NRXN3: variants seen among roughly 807,000 people sequenced by gnomAD.
NRXN3 encodes the protein neurexin 3.
NRXN3 carries 32 observed loss-of-function variants against 137.6 expected under a neutral mutation model. The ratio of observed to expected loss-of-function variants is 0.23; its 90% CI spans 0.18 to 0.31. The LOEUF (loss-of-function observed/expected upper bound fraction) is 0.31, where lower values mean the gene tolerates loss of function less well. Among genes scored for constraint, NRXN3 ranks in the 10% least tolerant of loss-of-function variants. The pLI is 1.00. For missense variants in NRXN3, 1,574 were observed against 2,062.5 expected, an observed-to-expected ratio of 0.76 and a Z score of 4.59; for synonymous variants, 798 against 784.5, an observed-to-expected ratio of 1.02 and a Z score of -0.29.
At chr14:78,948,628 C>CTTTTTTTTTTTTTTTTT (rs201010514) in intron 10 of NRXN3, among the ~76,000 whole-genome samples, 10 of 108,604 alleles carry the variant, frequency 9.2e-5, no homozygotes, top group Non-Finnish European at 1.1e-4. Flanking sequence ...ACACATTTAA[C>CTTTTTTTTTTTTTTTTT]TTTTTTTTTT....
rs994625386 is a variant in NRXN3, at chr14:79,259,518, T to TA, written c.3263-207702dup. Among the ~76,000 whole-genome samples, 6 of 149,518 alleles carry TA rather than the reference T, an allele frequency of 4.0e-5. No homozygotes were observed. In the Admixed American group the frequency reaches 4.0e-4, roughly 10 times the overall value. On this transcript the variant is annotated intron_variant, in intron 15 of 20. Coordinates refer to ENST00000335750, the MANE Select transcript of NRXN3 (RefSeq NM_001330195.2). ...TAGAATAAGGTTTTAGTTATATATA[T>TA]ATGTATCTACATATATATAGTTATC... is the stretch of plus-strand genomic sequence containing the variant.
chr14:79,773,828 T>TAAAAAA (rs2099087902), intron 19 of NRXN3, among the ~76,000 whole-genome samples: 1 of 136,008 alleles, frequency 7.4e-6, no homozygotes, highest in Admixed American at 7.3e-5. Flanking sequence ...AAAATAAAAA[T>TAAAAAA]ACAAAAAAAA....
intron 8 of NRXN3, among the ~76,000 whole-genome samples, chr14:78,738,153 AC>A (rs1259524619): frequency 1.3e-5 from 2 of 152,210 alleles, no homozygotes; most frequent in Non-Finnish European, 2.9e-5. Flanking sequence ...CTTATGGAGC[AC>A]TTCCTAACTC....
Position 79,648,197 on chromosome 14 carries a change from C to A in NRXN3, c.3445-15581C>A, listed in dbSNP as rs572477479. Among the ~76,000 whole-genome samples the A allele has an allele frequency of 6.8e-4, 91 of 133,744 alleles. 15 individuals carry two copies. In the South Asian group the frequency reaches 0.021, roughly 31 times the overall value. 87.7% of individuals were successfully genotyped at this position (133,744 alleles called of 152,430 possible). ...TACCCTACTATACAAAACAAACAAA[C>A]AAACAAACAAACAAAAAACAGAAAA... On this transcript the variant is annotated intron_variant, in intron 16 of 20. Transcript: ENST00000335750.
intron 19 of NRXN3, among the ~76,000 whole-genome samples, chr14:79,707,491 A>T (rs543141368): frequency 7.2e-6 from 1 of 137,992 alleles, no homozygotes; most frequent in African/African-American, 2.6e-5. Context: ...TCCTTTGTGG[A>T]GCTATGTTTT....
intron 16 of NRXN3, among the ~76,000 whole-genome samples, chr14:79,530,307 A>G (rs979098707): frequency 1.3e-5 from 2 of 152,150 alleles, no homozygotes; most frequent in Non-Finnish European, 2.9e-5. Flanking sequence ...CAAAAAGCAA[A>G]GCAAAATGAC....
At chr14:79,723,723 TTG>T (rs1347651797) in intron 19 of NRXN3, among the ~76,000 whole-genome samples, 1 of 152,168 alleles carries the variant, frequency 6.6e-6, no homozygotes, top group Non-Finnish European at 1.5e-5. Flanking sequence ...CCAAAATTAA[TTG>T]TTACCTTTTC....
At chr14:78,822,472 C>T (rs543035353) in intron 10 of NRXN3, among the ~76,000 whole-genome samples, 100 of 151,972 alleles carry the variant, frequency 6.6e-4, no homozygotes, top group African/African-American at 2.2e-3. Context: ...GTCAGGAGTT[C>T]GAGACCATCC....
chr14:79,241,178 G>A (rs532218980), intron 15 of NRXN3, among the ~76,000 whole-genome samples: 16 of 152,214 alleles, frequency 1.1e-4, no homozygotes, highest in African/African-American at 2.9e-4. Context: ...CTCTGAGATA[G>A]GACAAGATGA....
chr14:79,355,310 A>C, intron 15 of NRXN3, among the ~76,000 whole-genome samples: 2 of 144,940 alleles, frequency 1.4e-5, no homozygotes, highest in African/African-American at 5.3e-5. Flanking sequence ...ACATCTCCCA[A>C]CTCCCCCAAT....
intron 19 of NRXN3, among the ~76,000 whole-genome samples, chr14:79,707,849 A>T (rs908071848): frequency 1.3e-5 from 2 of 152,180 alleles, no homozygotes; most frequent in African/African-American, 4.8e-5. Flanking sequence ...AAAGGAGAAG[A>T]AGTAAAAGAA....
chr14:79,365,527 G>T (rs2093846696), intron 15 of NRXN3, among the ~76,000 whole-genome samples: 1 of 150,812 alleles, frequency 6.6e-6, no homozygotes, highest in Non-Finnish European at 1.5e-5. Context: ...AGACCATCCT[G>T]GCTAACAAGG....
At chr14:78,278,799 G>A in intron 3 of NRXN3, 137 bp downstream of exon 3, 1 of 706,430 alleles carries the variant, frequency 1.4e-6, no homozygotes, top group Non-Finnish European at 2.4e-6. Flanking sequence ...TTTAGAAGAA[G>A]AAATGCATTG....
intron 4 of NRXN3, among the ~76,000 whole-genome samples, chr14:78,419,078 A>G (rs1248493948): frequency 2.0e-5 from 3 of 152,130 alleles, no homozygotes; most frequent in Non-Finnish European, 4.4e-5. Context: ...CCTCAGCACC[A>G]TCTTTGGGGT....
intron 15 of NRXN3, among the ~76,000 whole-genome samples, chr14:79,388,000 G>GC (rs2094697499): frequency 6.6e-6 from 1 of 151,320 alleles, no homozygotes; most frequent in African/African-American, 2.4e-5. Flanking sequence ...TATAGCTAAT[G>GC]TAAATGACGA....
At chr14:79,667,396 T>A (rs2098567114) in intron 17 of NRXN3, among the ~76,000 whole-genome samples, 1 of 152,072 alleles carries the variant, frequency 6.6e-6, no homozygotes, top group South Asian at 2.1e-4. Flanking sequence ...CGGGGAATTG[T>A]TCCTGCCTAC....
At chr14:78,930,636 C>G (rs770991011) in intron 10 of NRXN3, among the ~76,000 whole-genome samples, 1 of 152,152 alleles carries the variant, frequency 6.6e-6, no homozygotes, top group African/African-American at 2.4e-5. Context: ...ATACTTTTAT[C>G]TGCGCTGAAG....
At chr14:78,853,116 G>T (rs1053446412) in intron 10 of NRXN3, among the ~76,000 whole-genome samples, 1 of 152,062 alleles carries the variant, frequency 6.6e-6, no homozygotes, top group African/African-American at 2.4e-5. Context: ...CATGCACAAC[G>T]TGCAGGTTTG....
Position 78,943,621 on chromosome 14 carries a change from AATATAT to A in NRXN3, c.2276-13568_2276-13563del, listed in dbSNP as rs60429358. Among the ~76,000 whole-genome samples the A allele has an allele frequency of 3.8e-3, 107 of 27,820 alleles. 1 individual carries two copies. The highest frequency in any genetic ancestry group is 5.0e-3 in the Non-Finnish European group (82 of 16,356). The allele number at this position is 27,820 out of a possible 152,430, so 18.3% of individuals were successfully genotyped here. A position where few individuals can be genotyped will look rare whatever the true frequency, so the allele number is the denominator to read the frequency against. On this transcript the variant is annotated intron_variant, in intron 10 of 20. Coordinates refer to ENST00000335750, the MANE Select transcript of NRXN3 (RefSeq NM_001330195.2). The stretch of plus-strand genomic sequence containing the variant: ...AGCAAGATCACTGTTAAAAAAAAAA[AATATAT>A]ATATATATATATATATATATATATA...
Sources: gnomAD v4.1 joint callset for allele counts (sites outside exome capture counted in the v4.1 genomes callset) on GRCh38, gnomAD v4.1.1 for gene constraint, MANE v1.5 for transcripts, NCBI Gene and HGNC (gene_info 2026-07-23, HGNC 2026-07-21) for gene names.